The following ADK variants were observed in gnomAD, a reference collection of about 807,000 sequenced individuals.
The protein encoded by ADK is adenosine kinase, also known as N6,N6-dimethyladenosine kinase.
In ADK, 24 loss-of-function variants were observed where a neutral mutation model predicts 44.7. The ratio of observed to expected loss-of-function variants is 0.54; its 90% CI spans 0.39 to 0.76. The LOEUF (loss-of-function observed/expected upper bound fraction) is 0.76, where lower values mean the gene tolerates loss of function less well. Ranked by LOEUF, ADK falls within the 30% of genes least tolerant of loss-of-function variation. The pLI is 0.00. For synonymous variants in ADK, 128 were observed against 142.6 expected, an observed-to-expected ratio of 0.90 and a Z score of 0.73; for missense variants, 321 against 425.1, an observed-to-expected ratio of 0.76 and a Z score of 2.15.
At chr10:74,447,506 A>G (rs1262638363) in intron 6 of ADK, among the ~76,000 whole-genome samples, 4 of 152,104 alleles carry the variant, frequency 2.6e-5, no homozygotes, top group Non-Finnish European at 4.4e-5. Context: ...AGCTCCTCCT[A>G]TGTTTGCTGT....
intron 10 of ADK, among the ~76,000 whole-genome samples, chr10:74,695,619 G>GTGT (rs1554899155): frequency 8.4e-4 from 76 of 90,120 alleles, no homozygotes; most frequent in African/African-American, 2.5e-3. Flanking sequence ...GTATGTGTGG[G>GTGT]GTGTGTGTGT....
At chr10:74,156,592 C>T (rs544364842) in intron 1 of ADK, among the ~76,000 whole-genome samples, 3 of 152,160 alleles carry the variant, frequency 2.0e-5, no homozygotes, top group Non-Finnish European at 4.4e-5. Context: ...AAATATCTTT[C>T]CTGTGTCCAA....
intron 3 of ADK, among the ~76,000 whole-genome samples, chr10:74,275,549 T>C (rs948346515): frequency 6.6e-6 from 1 of 152,224 alleles, no homozygotes; most frequent in African/African-American, 2.4e-5. Context: ...ATCACTCTTA[T>C]TAAACTCTCT....
intron 1 of ADK, among the ~76,000 whole-genome samples, chr10:74,169,630 T>C (rs1842111748): frequency 6.6e-6 from 1 of 152,232 alleles, no homozygotes; most frequent in Non-Finnish European, 1.5e-5. Context: ...ATATGTGATG[T>C]TAAAGTGAAA....
chr10:74,508,596 T>C (rs927481142), intron 6 of ADK, among the ~76,000 whole-genome samples: 3 of 152,198 alleles, frequency 2.0e-5, no homozygotes, highest in Non-Finnish European at 2.9e-5. Context: ...AGTTAATAAG[T>C]AGACAGATTA....
At chr10:74,607,446 C>T (rs1852364157) in intron 9 of ADK, among the ~76,000 whole-genome samples, 1 of 152,164 alleles carries the variant, frequency 6.6e-6, no homozygotes, top group Non-Finnish European at 1.5e-5. Context: ...AATCTCTCAG[C>T]ATTTGCTTGT....
intron 3 of ADK, among the ~76,000 whole-genome samples, chr10:74,275,607 C>T (rs1189845798): frequency 1.3e-5 from 2 of 152,098 alleles, no homozygotes; most frequent in Non-Finnish European, 2.9e-5. Context: ...ATTTACAGCC[C>T]AGACTACTAC....
At chr10:74,701,390 G>A (rs1856412032) in intron 10 of ADK, among the ~76,000 whole-genome samples, 1 of 152,146 alleles carries the variant, frequency 6.6e-6, no homozygotes, top group African/African-American at 2.4e-5. Context: ...GAAGCAAAGA[G>A]CACAGCTGCC....
At chr10:74,219,358 G>C (rs937460985) in intron 2 of ADK, among the ~76,000 whole-genome samples, 1 of 152,106 alleles carries the variant, frequency 6.6e-6, no homozygotes, top group African/African-American at 2.4e-5. Context: ...GAAGCACCCA[G>C]ATTCATAAAG....
chr10:74,704,427 TC>T (rs1418349836), intron 10 of ADK, among the ~76,000 whole-genome samples: 2 of 152,218 alleles, frequency 1.3e-5, no homozygotes, highest in African/African-American at 4.8e-5. Flanking sequence ...AAATATAAGC[TC>T]CCTTTGTTTA....
intron 1 of ADK, among the ~76,000 whole-genome samples, chr10:74,176,329 T>A (rs2132066343): frequency 6.6e-6 from 1 of 152,222 alleles, no homozygotes; most frequent in South Asian, 2.1e-4. Flanking sequence ...AGGCTGTTGC[T>A]TTTTTTCCCC....
intron 3 of ADK, among the ~76,000 whole-genome samples, chr10:74,257,941 T>A (rs889194160): frequency 1.3e-5 from 2 of 152,190 alleles, no homozygotes; most frequent in African/African-American, 4.8e-5. Flanking sequence ...GTTAGCAATT[T>A]ATGTGTAAAA....
chr10:74,259,345 T>C (rs1427062882), intron 3 of ADK, among the ~76,000 whole-genome samples: 1 of 151,912 alleles, frequency 6.6e-6, no homozygotes, highest in Non-Finnish European at 1.5e-5. Context: ...TATAATTAAC[T>C]CAAAAATCTT....
chr10:74,394,811 T>C (rs1037176035), intron 5 of ADK, among the ~76,000 whole-genome samples: 19 of 152,226 alleles, frequency 1.2e-4, no homozygotes, highest in African/African-American at 4.3e-4. Flanking sequence ...TTCTGGCAAA[T>C]AGTAATTCAT....
intron 1 of ADK, among the ~76,000 whole-genome samples, chr10:74,170,620 A>C (rs896779829): frequency 6.6e-6 from 1 of 151,892 alleles, no homozygotes; most frequent in African/African-American, 2.4e-5. Context: ...AACACGGTGA[A>C]ACCCTGTCTC....
intron 7 of ADK, among the ~76,000 whole-genome samples, chr10:74,541,492 T>C (rs570355346): frequency 6.6e-6 from 1 of 152,192 alleles, no homozygotes; most frequent in Non-Finnish European, 1.5e-5. Context: ...GTCTTTGTCT[T>C]TATGACCATG....
At chr10:74,682,524 A>G (rs1017247813) in intron 10 of ADK, among the ~76,000 whole-genome samples, 2 of 151,796 alleles carry the variant, frequency 1.3e-5, no homozygotes, top group African/African-American at 4.8e-5. Flanking sequence ...CATGTCAACA[A>G]TTAACACCAT....
At chr10:74,398,175 T>G (rs1005900966) in intron 5 of ADK, among the ~76,000 whole-genome samples, 21 of 152,124 alleles carry the variant, frequency 1.4e-4, no homozygotes, top group Admixed American at 7.9e-4. Flanking sequence ...CTTAACTGCA[T>G]TTTGAACTAT....
chr10:74,678,412 GAA>G (rs1855485985), intron 10 of ADK, among the ~76,000 whole-genome samples: 1 of 152,150 alleles, frequency 6.6e-6, no homozygotes, highest in East Asian at 1.9e-4. Context: ...AAGAGAGAGA[GAA>G]ATCACTTTGT....
Sources: allele counts gnomAD v4.1 joint callset (sites outside exome capture counted in the v4.1 genomes callset), GRCh38; gene constraint gnomAD v4.1.1; transcripts MANE v1.5; gene names NCBI Gene and HGNC (gene_info 2026-07-23, HGNC 2026-07-21).